Variants in MYO18B observed in about 807,000 individuals in gnomAD.
MYO18B encodes the protein myosin XVIIIB, also known as unconventional myosin-XVIIIb.
In MYO18B, 204 loss-of-function variants were observed where a neutral mutation model predicts 273.0. The ratio of observed to expected loss-of-function variants is 0.75; its 90% confidence interval spans 0.67 to 0.84. The LOEUF is 0.84. Among genes scored for constraint, MYO18B ranks in the 40% least tolerant of loss-of-function variants. The pLI is 0.00. For missense variants in MYO18B, 3,212 were observed against 3,287.6 expected (o/e 0.98, Z 0.56); for synonymous variants, 1,330 against 1,305.7 (o/e 1.02, Z -0.40).
intron 22 of MYO18B, 27 bp from the exon 23 acceptor site, chr22:25,874,259 C>T (rs370082433): frequency 1.6e-5 from 25 of 1,612,638 alleles, no homozygotes; most frequent in Non-Finnish European, 2.1e-5. Context: ...CAGCAGAGGA[C>T]TCACCTGAAA....
At chr22:25,761,627 C>T (rs867644871) in intron 2 of MYO18B, among the ~76,000 whole-genome samples, 8 of 152,254 alleles carry the variant, frequency 5.3e-5, no homozygotes, top group African/African-American at 1.4e-4. Flanking sequence ...TTTCATGATA[C>T]GCTACGAAGG....
intron 1 of MYO18B, among the ~76,000 whole-genome samples, chr22:25,751,270 T>A (rs966818251): frequency 3.3e-5 from 5 of 152,142 alleles, no homozygotes; most frequent in Non-Finnish European, 7.4e-5. Context: ...GGCACTTAGG[T>A]TATCTTTACC....
chr22:25,898,603 C>G, intron 29 of MYO18B, 142 bp downstream of exon 29: 1 of 843,152 alleles, frequency 1.2e-6, no homozygotes. Context: ...TCCCGTCACA[C>G]CTTATTCCTG....
At chr22:25,760,290 C>T (rs571600112) in intron 1 of MYO18B, among the ~76,000 whole-genome samples, 4 of 151,830 alleles carry the variant, frequency 2.6e-5, no homozygotes, top group Admixed American at 2.6e-4. Flanking sequence ...TGGCATACAC[C>T]TGTAATCCCA....
chr22:26,060,887 A>G, the MYO18B span, among the ~76,000 whole-genome samples: 1 of 102,454 alleles, frequency 9.8e-6, no homozygotes, highest in African/African-American at 8.7e-5. Flanking sequence ...TTACATATAC[A>G]CATATACACA....
the MYO18B span, among the ~76,000 whole-genome samples, chr22:26,038,945 C>T: frequency 5.9e-5 from 9 of 152,302 alleles, no homozygotes; most frequent in East Asian, 3.9e-4. Flanking sequence ...TGAAAAAGCA[C>T]TTTGAATTGG....
chr22:25,818,709 A>G (rs117207974), intron 12 of MYO18B, among the ~76,000 whole-genome samples: 4,713 of 152,278 alleles, frequency 0.031, 138 homozygotes, highest in East Asian at 0.12. Context: ...CCAGCAGGAC[A>G]GGATAATCCC....
At chr22:25,816,783 G>A (rs2089032546) in intron 12 of MYO18B, among the ~76,000 whole-genome samples, 2 of 152,162 alleles carry the variant, frequency 1.3e-5, no homozygotes, top group Non-Finnish European at 2.9e-5. Flanking sequence ...TTGAACTGAG[G>A]CAGTCTGTCT....
intron 12 of MYO18B, among the ~76,000 whole-genome samples, chr22:25,802,641 T>A (rs1343039892): frequency 1.3e-5 from 2 of 150,502 alleles, no homozygotes; most frequent in Non-Finnish European, 2.9e-5. Flanking sequence ...TGGTCCCAGC[T>A]ACTCAGGAGG....
At chr22:25,912,742 C>T (rs2092182275) in intron 33 of MYO18B, among the ~76,000 whole-genome samples, 1 of 152,126 alleles carries the variant, frequency 6.6e-6, no homozygotes, top group Non-Finnish European at 1.5e-5. Context: ...CTCTTTATGT[C>T]GCTTCCTAAT....
In MYO18B at chr22:25,798,052, G is replaced by A; in HGVS notation, c.2476G>A (p.Val826Ile). The change falls in exon 12 of 44, where the codon GTC becomes ATC. Residue 826 changes from valine (V) to isoleucine (I), a missense_variant. Coordinates refer to ENST00000335473, the MANE Select transcript of MYO18B (RefSeq NM_032608.7). Reference sequence around the variant, plus strand: ...GAGCGAGCAGCGGGCTGTTTGGCGGGTCCTGGCAGCCATCTACCACCTGGG... The same window carrying A: ...GAGCGAGCAGCGGGCTGTTTGGCGGATCCTGGCAGCCATCTACCACCTGGG... ...SESEQRAVWR[V>I]LAAIYHLGAA... 9 of 1,611,978 alleles carry A rather than the reference G, an allele frequency of 5.6e-6. No homozygotes were observed. The highest frequency in any genetic ancestry group is 1.1e-5 in the South Asian group (1 of 91,046).
chr22:25,935,913 G>A (rs371986729), intron 34 of MYO18B, among the ~76,000 whole-genome samples: 144 of 152,328 alleles, frequency 9.5e-4, no homozygotes, highest in African/African-American at 3.3e-3. Context: ...GTGCAGACAG[G>A]CTACAGAGTC....
rs972342601 is a variant in MYO18B, at chr22:25,826,515, C to G, written c.2786+16C>G. On this transcript the variant is annotated intron_variant, in intron 14 of 43. Coordinates refer to ENST00000335473, the MANE Select transcript of MYO18B (RefSeq NM_032608.7). ...TCATCAACAGGTAACGGGGCCTTTT[C>G]CTAGGCACACAGTTGGCCTCTTGCA... The G allele has an allele frequency of 6.2e-7, 1 of 1,607,798 alleles. No homozygotes were observed. The highest frequency in any genetic ancestry group is 8.5e-7 in the Non-Finnish European group (1 of 1,175,762).
intron 39 of MYO18B, among the ~76,000 whole-genome samples, chr22:25,975,794 A>C (rs2093082911): frequency 6.6e-6 from 1 of 152,214 alleles, no homozygotes; most frequent in South Asian, 2.1e-4. Flanking sequence ...ACCAGCAACC[A>C]GGTGATACTG....
chr22:25,924,888 T>G (rs191019457), intron 34 of MYO18B, among the ~76,000 whole-genome samples: 1 of 152,154 alleles, frequency 6.6e-6, no homozygotes, highest in Non-Finnish European at 1.5e-5. Context: ...TGATTTGGAA[T>G]TGATGGGATG....
chr22:26,014,318 C>A (rs563350319), intron 42 of MYO18B, among the ~76,000 whole-genome samples: 1 of 152,180 alleles, frequency 6.6e-6, no homozygotes, highest in South Asian at 2.1e-4. Context: ...ATCAAGTGAT[C>A]TTATGTATAT....
At chr22:25,746,491 G>A (rs2085782018) in intron 1 of MYO18B, among the ~76,000 whole-genome samples, 2 of 152,282 alleles carry the variant, frequency 1.3e-5, no homozygotes, top group South Asian at 4.1e-4. Context: ...GGAAAAATGT[G>A]TAGCAGCATC....
intron 3 of MYO18B, 123 bp downstream of exon 3, chr22:25,763,512 C>T: frequency 8.5e-7 from 1 of 1,173,938 alleles, no homozygotes. Context: ...TGAGGAATGT[C>T]CTTTATTCAA....
chr22:25,820,226 G>A (rs2089224269), intron 12 of MYO18B, among the ~76,000 whole-genome samples: 1 of 151,642 alleles, frequency 6.6e-6, no homozygotes, highest in South Asian at 2.1e-4. Context: ...TTAATACAGT[G>A]ATGCTCTTGT....
Sources: allele counts gnomAD v4.1 joint callset (sites outside exome capture counted in the v4.1 genomes callset), GRCh38; gene constraint gnomAD v4.1.1; transcripts MANE v1.5; gene names NCBI Gene and HGNC (gene_info 2026-07-23, HGNC 2026-07-21).